The following DMD variants were observed in gnomAD, a reference collection of about 807,000 sequenced individuals.
DMD encodes the protein dystrophin, also known as mutant dystrophin.
A neutral mutation model predicts 330.1 loss-of-function variants in DMD; 63 were observed. The observed-to-expected ratio is 0.19, with a 90% CI of 0.16 to 0.24. The LOEUF (loss-of-function observed/expected upper bound fraction) is 0.24. Among genes scored for constraint, DMD ranks in the 10% least tolerant of loss-of-function variants. The pLI, the probability that DMD is intolerant of heterozygous loss-of-function variation, is 1.00. For missense variants in DMD, 3,344 were observed against 2,684.1 expected (o/e 1.25, Z -5.43); for synonymous variants, 1,223 against 959.8 (o/e 1.27, Z -5.07).
intron 61 of DMD, among the ~76,000 whole-genome samples, chrX:31,332,599 A>G (rs749498213): frequency 7.0e-4 from 78 of 111,991 alleles, no homozygotes; most frequent in African/African-American, 2.0e-3. Context: ...GTGGGTTGCT[A>G]TTCACTGGTG....
chrX:31,164,186 G>A (rs987960199), intron 74 of DMD, among the ~76,000 whole-genome samples: 5 of 111,755 alleles, frequency 4.5e-5, no homozygotes, highest in Admixed American at 1.9e-4. Flanking sequence ...ACATGCTCCC[G>A]GGATATATAA....
At chrX:31,321,028 G>A (rs1013058813) in intron 62 of DMD, among the ~76,000 whole-genome samples, 10 of 111,557 alleles carry the variant, frequency 9.0e-5, no homozygotes, top group Non-Finnish European at 1.9e-4. Context: ...AAAGAGGTGT[G>A]TGGTGAAATT....
intron 56 of DMD, among the ~76,000 whole-genome samples, chrX:31,504,618 T>C (rs372252791): frequency 8.0e-5 from 9 of 111,815 alleles, no homozygotes; most frequent in African/African-American, 2.6e-4. Context: ...GTGCCACTAA[T>C]GGTTCTATAT....
intron 17 of DMD, among the ~76,000 whole-genome samples, chrX:32,521,810 A>G (rs1316783627): frequency 2.7e-5 from 3 of 112,074 alleles, no homozygotes; most frequent in African/African-American, 9.7e-5. Flanking sequence ...GTGCCCCACA[A>G]AAGTTCGTAT....
At chrX:31,865,131 G>T (rs2149627395) in intron 48 of DMD, among the ~76,000 whole-genome samples, 1 of 112,002 alleles carries the variant, frequency 8.9e-6, no homozygotes. Flanking sequence ...GGAAGATTAT[G>T]GTACCCAGTG....
At chrX:32,965,514 TG>T (rs2092115733) in intron 2 of DMD, among the ~76,000 whole-genome samples, 2 of 75,316 alleles carry the variant, frequency 2.7e-5, no homozygotes, top group Non-Finnish European at 2.5e-5. Flanking sequence ...AAAAAAGAAG[TG>T]GGGTGGGGGG....
intron 1 of DMD, among the ~76,000 whole-genome samples, chrX:33,024,905 A>T (rs1390450670): frequency 8.9e-6 from 1 of 111,832 alleles, no homozygotes; most frequent in African/African-American, 3.2e-5. Context: ...TATTGACAGG[A>T]TATAATGAGA....
intron 15 of DMD, among the ~76,000 whole-genome samples, chrX:32,573,309 A>G (rs1036836637): frequency 8.9e-6 from 1 of 111,988 alleles, no homozygotes; most frequent in Non-Finnish European, 1.9e-5. Context: ...CTGGTATGCT[A>G]TGTTTTATCA....
chrX:32,459,763 G>A (rs6631590), intron 25 of DMD, among the ~76,000 whole-genome samples: 1 of 111,055 alleles, frequency 9.0e-6, no homozygotes, highest in Non-Finnish European at 1.9e-5. Flanking sequence ...AGTACTGCCA[G>A]ATCTAATGGG....
rs2049030198 is a variant in DMD at position 32,546,990 on chromosome X, T to G, written c.1993-1656A>C. 7.1e-5 allele frequency among the ~76,000 whole-genome samples: 8 copies of G among 112,100 alleles called. No homozygotes were observed. The Admixed American group carries it at 7.6e-4, about 11-fold the overall frequency. On this transcript the variant is annotated intron_variant, in intron 16 of 78. Transcript: ENST00000357033. ...AGCATTTACTTTGTAATTTGAATATTTTTTAACCATGAGAAAACTTGCTTT... is the reference window on the plus strand; with the variant it reads ...AGCATTTACTTTGTAATTTGAATATGTTTTAACCATGAGAAAACTTGCTTT...
At chrX:31,194,899 C>T (rs963930550) in intron 67 of DMD, among the ~76,000 whole-genome samples, 1 of 111,690 alleles carries the variant, frequency 9.0e-6, no homozygotes. Context: ...GTCCTTGTCA[C>T]GGTTCTTAAA....
intron 29 of DMD, among the ~76,000 whole-genome samples, chrX:32,424,175 G>A (rs2098202046): frequency 1.8e-5 from 2 of 109,852 alleles, no homozygotes; most frequent in South Asian, 7.8e-4. Context: ...GAACACAGAG[G>A]TCTGCCATAA....
chrX:32,190,197 G>A (rs1056428688), intron 44 of DMD, among the ~76,000 whole-genome samples: 2 of 110,867 alleles, frequency 1.8e-5, no homozygotes, highest in Non-Finnish European at 3.8e-5. Context: ...CAACAAAGAT[G>A]TATTTGGCTC....
At chrX:32,725,072 A>C (rs763149828) in intron 7 of DMD, among the ~76,000 whole-genome samples, 45 of 111,529 alleles carry the variant, frequency 4.0e-4, no homozygotes, top group Non-Finnish European at 6.6e-4. Flanking sequence ...GTGTAACACA[A>C]CAGAAGAAAG....
At chrX:32,692,660 A>C (rs1359334096) in intron 9 of DMD, among the ~76,000 whole-genome samples, 1 of 112,157 alleles carries the variant, frequency 8.9e-6, no homozygotes, top group Non-Finnish European at 1.9e-5. Context: ...ACCTCAGAAC[A>C]AAAAAGGATA....
At chrX:31,466,769 G>A (rs188082076) in intron 59 of DMD, among the ~76,000 whole-genome samples, 36 of 111,555 alleles carry the variant, frequency 3.2e-4, no homozygotes, top group Non-Finnish European at 5.1e-4. Flanking sequence ...CCATTTTCAC[G>A]ATATTGATTC....
At chrX:32,524,326 T>A (rs772896458) in intron 17 of DMD, among the ~76,000 whole-genome samples, 34 of 112,027 alleles carry the variant, frequency 3.0e-4, no homozygotes, top group Non-Finnish European at 5.6e-4. Flanking sequence ...TGTCTCCTTT[T>A]TTTCCCCTTC....
chrX:31,433,479 CAG>C (rs1352256132), intron 60 of DMD, among the ~76,000 whole-genome samples: 1 of 101,328 alleles, frequency 9.9e-6, no homozygotes, highest in Non-Finnish European at 2.0e-5. Flanking sequence ...TTTTTTGAGA[CAG>C]AGTCTTGCTC....
At chrX:32,262,522 G>A (rs1192495879) in intron 43 of DMD, among the ~76,000 whole-genome samples, 2 of 111,392 alleles carry the variant, frequency 1.8e-5, no homozygotes, top group African/African-American at 3.3e-5. Context: ...CAATGAAATT[G>A]TTTCCAAAAA....
Sources: gnomAD v4.1 joint callset for allele counts (sites outside exome capture counted in the v4.1 genomes callset) on GRCh38, gnomAD v4.1.1 for gene constraint, MANE v1.5 for transcripts, NCBI Gene and HGNC (gene_info 2026-07-23, HGNC 2026-07-21) for gene names.